DNAJA2: variants seen among roughly 807,000 people sequenced by gnomAD.
DNAJA2 encodes the protein DnaJ heat shock protein family (Hsp40) member A2.
A neutral mutation model predicts 49.3 loss-of-function variants in DNAJA2; 6 were observed. That is an observed-to-expected ratio of 0.12 (90% CI 0.07 to 0.24). DNAJA2 has a LOEUF of 0.24. DNAJA2 is among the 10% of genes least tolerant of loss of function. The probability of loss-of-function intolerance (pLI) is 1.00; values close to 1 mark genes in which losing one functional copy is unlikely to be tolerated. For missense variants in DNAJA2, 347 were observed against 516.8 expected, an observed-to-expected ratio of 0.67 and a Z score of 3.19; for synonymous variants, 160 against 172.7, an observed-to-expected ratio of 0.93 and a Z score of 0.58.
Position 46,973,628 on chromosome 16 carries a change from C to T in DNAJA2, c.-56G>A, listed in dbSNP as rs1017114984. On this transcript the variant is annotated 5_prime_UTR_variant, in exon 1 of 9. Coordinates refer to ENST00000317089, the MANE Select transcript of DNAJA2 (RefSeq NM_005880.4). ...GGTGGCGAAGCAGACAGAGCGGAGTCGGGCCCACAAGCGGCGTCGGCGGCG... is the reference window on the plus strand; with the variant it reads ...GGTGGCGAAGCAGACAGAGCGGAGTTGGGCCCACAAGCGGCGTCGGCGGCG... The T allele has an allele frequency of 5.8e-6, 9 of 1,553,498 alleles. No individual in the cohort carries two copies. The highest frequency in any genetic ancestry group is 1.4e-5 in the African/African-American group (1 of 71,540).
intron 1 of DNAJA2, 109 bp from the exon 2 acceptor site, chr16:46,972,064 T>A (rs2143664673): frequency 1.3e-6 from 1 of 789,158 alleles, no homozygotes; most frequent in African/African-American, 1.7e-5. Flanking sequence ...AGTTATAACC[T>A]TTCAAAAATA....
chr16:46,973,513 G>T lies in DNAJA2; in HGVS notation c.60C>A (p.Ser20Arg). 1 of 1,602,730 alleles carries T rather than the reference G, an allele frequency of 6.2e-7. No homozygotes were observed. The highest frequency in any genetic ancestry group is 8.5e-7 in the Non-Finnish European group (1 of 1,177,516). The change falls in exon 1 of 9, where the codon AGC (serine) becomes AGA (arginine). Residue 20 changes from serine (S) to arginine (R), a missense_variant. Ser to Arg is a moderately radical substitution (Grantham distance 110). Transcript: ENST00000317089. ...CAGATACCTTCTTCAGCTCGTTCTC[G>T]CTGGCGCCGGGCGGGACGCCCAGGA... ...YDILGVPPGA[S>R]ENELKKAYRK...
chr16:46,970,965 G>A (rs1962038274), intron 3 of DNAJA2, among the ~76,000 whole-genome samples: 1 of 151,674 alleles, frequency 6.6e-6, no homozygotes, highest in African/African-American at 2.4e-5. Flanking sequence ...TTGAACCCAG[G>A]AGGCAGAGGT....
chr16:46,970,973 G>C (rs914210674), intron 3 of DNAJA2, among the ~76,000 whole-genome samples: 1 of 151,846 alleles, frequency 6.6e-6, no homozygotes, highest in Non-Finnish European at 1.5e-5. Context: ...AGGAGGCAGA[G>C]GTTGCAGTGA....
intron 3 of DNAJA2, among the ~76,000 whole-genome samples, chr16:46,969,070 G>A (rs1321287585): frequency 6.6e-6 from 1 of 152,058 alleles, no homozygotes; most frequent in African/African-American, 2.4e-5. Flanking sequence ...TCTACTTGTG[G>A]CATCATGATG....
intron 3 of DNAJA2, among the ~76,000 whole-genome samples, chr16:46,969,021 T>TG (rs1017464760): frequency 8.5e-5 from 13 of 152,162 alleles, no homozygotes; most frequent in Non-Finnish European, 1.8e-4. Context: ...CACTCCAGCC[T>TG]GGGGGACAGA....
rs142308620 is a variant in DNAJA2 at position 46,959,129 on chromosome 16, C to A, written c.921G>T (p.Gly307=). ...KYPPGKVIEP[G]CVRVVRGEGM... is the part of the protein sequence containing the mutation. ...CTTCACCTCGAACTACACGAACACA[C>A]CCTATTATTTAAGAGGAAATGATTA... Residue 307 remains glycine (G), a splice_region_variant and synonymous_variant, in exon 8 of 9, where the codon GGG becomes GGT. Transcript: ENST00000317089. The A allele has an allele frequency of 6.3e-7, 1 of 1,599,132 alleles. No individual in the cohort carries two copies. Among genetic ancestry groups the A allele is most frequent in the Middle Eastern group, 1.7e-4 (1 of 5,938 alleles).
intron 3 of DNAJA2, 68 bp downstream of exon 3, chr16:46,971,281 C>G (rs564572693): frequency 1.0e-5 from 14 of 1,375,276 alleles, no homozygotes; most frequent in Non-Finnish European, 1.4e-5. Flanking sequence ...GATTTTTCAT[C>G]TACTGAGTCA....
At chr16:46,967,424 C>A (rs1961987770) in intron 5 of DNAJA2, 89 bp downstream of exon 5, 2 of 1,533,062 alleles carry the variant, frequency 1.3e-6, no homozygotes, top group Non-Finnish European at 1.8e-6. Flanking sequence ...TATACAAATA[C>A]CCTTTGAAAT....
rs751954185 is a variant in DNAJA2 at position 46,959,330 on chromosome 16, G to A, written c.864C>T (p.His288=). The A allele has an allele frequency of 1.2e-6, 2 of 1,613,932 alleles. No homozygotes were observed. The highest frequency in any genetic ancestry group is 8.5e-7 in the Non-Finnish European group (1 of 1,179,966). The change falls in exon 7 of 9, where the codon CAC becomes CAT. Residue 288 remains histidine, a synonymous_variant. Transcript: ENST00000317089. The stretch of plus-strand genomic sequence containing the variant: ...TCACCACAATCTGACGTCCATCAAG[G>A]TGCTTAAATGTGAACTGAAATCCAC... ...ALCGFQFTFK[H]LDGRQIVVKY... is the part of the protein sequence containing the mutation.
intron 6 of DNAJA2, among the ~76,000 whole-genome samples, chr16:46,961,405 G>A (rs1961893462): frequency 6.6e-6 from 1 of 151,510 alleles, no homozygotes; most frequent in Non-Finnish European, 1.5e-5. Flanking sequence ...AATAAAAAGT[G>A]GGGCAGGGCA....
At chr16:46,971,837 G>A in intron 2 of DNAJA2, 59 bp downstream of exon 2, 1 of 1,401,160 alleles carries the variant, frequency 7.1e-7, no homozygotes, top group Non-Finnish European at 1.0e-6. Flanking sequence ...TCTTTTTCAA[G>A]GAGGGCAATT....
In DNAJA2 at chr16:46,956,227, C is replaced by CT. The variant is rs1326477522; in HGVS notation, c.*801dup. On this transcript the variant is annotated 3_prime_UTR_variant, in exon 9 of 9. Transcript: ENST00000317089. The stretch of plus-strand genomic sequence containing the variant: ...AGAGCATCACTGAAGCCACTGAAGA[C>CT]TGTCTCTACCAGCCTTTTGTCTTCC... 2 of 152,138 alleles carry CT rather than the reference C, an allele frequency of 1.3e-5. No individual in the cohort carries two copies. The highest frequency in any genetic ancestry group is 1.3e-4 in the Admixed American group (2 of 15,270). 9.4% of individuals were successfully genotyped at this position (152,138 alleles called of 1,614,324 possible).
At chr16:46,958,290 G>A (rs372696383) in intron 8 of DNAJA2, among the ~76,000 whole-genome samples, 2 of 152,054 alleles carry the variant, frequency 1.3e-5, no homozygotes, top group African/African-American at 2.4e-5. Flanking sequence ...AGTGGCTCAC[G>A]CCTGTAATCC....
At chr16:46,958,801 C>T in intron 8 of DNAJA2, 2 of 495,350 alleles carry the variant, frequency 4.0e-6, no homozygotes, top group Non-Finnish European at 6.8e-6. Context: ...TTAAATTAGC[C>T]AGGCATGGCA....
chr16:46,968,522 G>C (rs1962005540), intron 3 of DNAJA2, among the ~76,000 whole-genome samples: 1 of 152,188 alleles, frequency 6.6e-6, no homozygotes, highest in Non-Finnish European at 1.5e-5. Context: ...AAACCCTTCA[G>C]AAGAGGTACA....
At chr16:46,963,614 T>C (rs925921514) in intron 6 of DNAJA2, among the ~76,000 whole-genome samples, 16 of 151,588 alleles carry the variant, frequency 1.1e-4, no homozygotes, top group African/African-American at 2.7e-4. Context: ...GATGGGAGGA[T>C]TGCTTGGGCC....
chr16:46,969,002 G>A (rs912599529), intron 3 of DNAJA2, among the ~76,000 whole-genome samples: 1 of 152,144 alleles, frequency 6.6e-6, no homozygotes, highest in Admixed American at 6.6e-5. Context: ...AGCTGAGATC[G>A]TACCACTGCA....
In DNAJA2 at chr16:46,967,591, C is replaced by A. The variant is rs1961990444; in HGVS notation, c.499G>T (p.Val167Leu). ...GCCAGCTGTCTGATCATGATGCGCA[C>A]ACCTCGACCTCGACAAGCACTACAC... Reference protein sequence around the residue: ...QKCSACRGRGVRIMIRQLAPG... With the variant: ...QKCSACRGRGLRIMIRQLAPG... The change falls in exon 5 of 9, where the codon GTG becomes TTG. Residue 167 changes from valine to leucine, a missense_variant. Coordinates refer to ENST00000317089, the MANE Select transcript of DNAJA2 (RefSeq NM_005880.4). 6.2e-7 allele frequency: 1 copy of A among 1,614,196 alleles called. No homozygotes were observed. Among genetic ancestry groups the A allele is most frequent in the Non-Finnish European group, 8.5e-7 (1 of 1,180,048 alleles).
Sources: gnomAD v4.1 joint callset for allele counts (sites outside exome capture counted in the v4.1 genomes callset) on GRCh38, gnomAD v4.1.1 for gene constraint, MANE v1.5 for transcripts, NCBI Gene and HGNC (gene_info 2026-07-23, HGNC 2026-07-21) for gene names.